FAT3: variants seen among roughly 807,000 people sequenced by gnomAD.
FAT3 encodes FAT atypical cadherin 3.
A neutral mutation model predicts 310.2 loss-of-function variants in FAT3; 95 were observed. That is an observed-to-expected ratio of 0.31 (90% CI 0.26 to 0.36). The LOEUF (loss-of-function observed/expected upper bound fraction) is 0.36. Among genes scored for constraint, FAT3 ranks in the 10% least tolerant of loss-of-function variants. FAT3 has a pLI of 1.00. For missense variants in FAT3, 5,408 were observed against 5,715.6 expected (o/e 0.95, Z 1.74); for synonymous variants, 2,314 against 2,192.9 (o/e 1.06, Z -1.54).
chr11:92,482,702 T>C (rs949853245), intron 2 of FAT3, among the ~76,000 whole-genome samples: 2 of 152,146 alleles, frequency 1.3e-5, no homozygotes, highest in African/African-American at 4.8e-5. Context: ...AACCTCTTCC[T>C]TTGCCCTCAT....
At chr11:92,491,138 G>T (rs779042693) in intron 2 of FAT3, among the ~76,000 whole-genome samples, 1 of 152,088 alleles carries the variant, frequency 6.6e-6, no homozygotes, top group Non-Finnish European at 1.5e-5. Flanking sequence ...TTTAATGATT[G>T]ATTCCTCTAC....
At chr11:92,236,838 T>G (rs1864441156) in intron 1 of FAT3, among the ~76,000 whole-genome samples, 1 of 152,202 alleles carries the variant, frequency 6.6e-6, no homozygotes, top group Non-Finnish European at 1.5e-5. Context: ...CGAGTTAGAC[T>G]TTGGAGATCC....
intron 3 of FAT3, among the ~76,000 whole-genome samples, chr11:92,675,136 A>C (rs1196460488): frequency 6.6e-6 from 1 of 152,192 alleles, no homozygotes; most frequent in East Asian, 1.9e-4. Context: ...AGCAGGAAGC[A>C]TGAGTATTAT....
At chr11:92,606,822 G>A (rs1473576654) in intron 3 of FAT3, among the ~76,000 whole-genome samples, 1 of 152,160 alleles carries the variant, frequency 6.6e-6, no homozygotes, top group African/African-American at 2.4e-5. Flanking sequence ...CTTTGTATAG[G>A]CTTTGGAGCA....
chr11:92,851,544 C>A (rs4753420), intron 19 of FAT3, among the ~76,000 whole-genome samples: 1 of 151,908 alleles, frequency 6.6e-6, no homozygotes, highest in Non-Finnish European at 1.5e-5. Context: ...ATCTTACTAC[C>A]CCACCTTCCC....
chr11:92,886,962 C>T, intron 24 of FAT3, 38 bp from the exon 25 acceptor site: 1 of 1,510,396 alleles, frequency 6.6e-7, no homozygotes, highest in Non-Finnish European at 9.1e-7. Context: ...ACAAGGTAAC[C>T]AGTGTAATTT....
chr11:92,744,850 A>G (rs968711754), intron 4 of FAT3, among the ~76,000 whole-genome samples: 8 of 152,232 alleles, frequency 5.3e-5, no homozygotes, highest in Non-Finnish European at 1.0e-4. Flanking sequence ...ATACATACAC[A>G]TAAGCCTAAT....
chr11:92,320,637 G>A (rs1490071048), intron 1 of FAT3, among the ~76,000 whole-genome samples: 3 of 152,258 alleles, frequency 2.0e-5, no homozygotes, highest in East Asian at 1.9e-4. Flanking sequence ...GGAGGCCAAG[G>A]CAGGTAGGTC....
At chr11:92,625,315 G>A (rs1044839433) in intron 3 of FAT3, among the ~76,000 whole-genome samples, 6 of 152,150 alleles carry the variant, frequency 3.9e-5, no homozygotes, top group Non-Finnish European at 7.3e-5. Flanking sequence ...TTAGTCTTCT[G>A]ACAGTGCCTG....
rs758134756 is a variant in FAT3 at position 92,799,124 on chromosome 11, G to A, written c.6111G>A (p.Thr2037=). The A allele has an allele frequency of 3.1e-6, 5 of 1,613,780 alleles. No homozygotes were observed. Among genetic ancestry groups the A allele is most frequent in the African/African-American group, 2.7e-5 (2 of 74,920 alleles). Residue 2037 remains threonine, a synonymous_variant, in exon 10 of 28, where the codon ACG becomes ACA. Transcript: ENST00000525166. ...AATCTACCTCAGGGGTCATTCAGAC[G>A]ACTGGAGTCCCCTTTGACCGTGAAG... The part of the protein sequence containing the change: ...KIKSTSGVIQ[T]TGVPFDREEQ...
intron 2 of FAT3, among the ~76,000 whole-genome samples, chr11:92,450,617 A>C (rs778645289): frequency 1.6e-4 from 24 of 152,152 alleles, no homozygotes; most frequent in Non-Finnish European, 2.6e-4. Flanking sequence ...TTGTATTTGG[A>C]ATTAAACATG....
Position 92,352,077 on chromosome 11 carries a change from CT to C in FAT3, c.-17-18del, listed in dbSNP as rs1565247334. Reference sequence around the variant, plus strand: ...AGGATGGTTAATTTATCTTTTCTCTCTCTCTTTCTTCCCTCCAGGATGGAAG... The same window carrying C: ...AGGATGGTTAATTTATCTTTTCTCTCCTCTTTCTTCCCTCCAGGATGGAAG... On this transcript the variant is annotated intron_variant, in intron 1 of 27. Transcript: ENST00000525166. The C allele has an allele frequency of 8.1e-7, 1 of 1,241,842 alleles. No individual in the cohort carries two copies. The highest frequency in any genetic ancestry group is 1.6e-5 in the South Asian group (1 of 64,278). The allele number at this position is 1,241,842 out of a possible 1,614,324, so 76.9% of individuals were successfully genotyped here. A position where few individuals can be genotyped will look rare whatever the true frequency, so the allele number is the denominator to read the frequency against.
At chr11:92,480,768 T>C (rs1952202396) in intron 2 of FAT3, among the ~76,000 whole-genome samples, 1 of 152,220 alleles carries the variant, frequency 6.6e-6, no homozygotes, top group African/African-American at 2.4e-5. Flanking sequence ...GTCCAGTTGC[T>C]GATTTTGGCT....
At chr11:92,346,701 G>T (rs1380734007) in intron 1 of FAT3, among the ~76,000 whole-genome samples, 1 of 152,078 alleles carries the variant, frequency 6.6e-6, no homozygotes, top group African/African-American at 2.4e-5. Context: ...TAAAGATAGA[G>T]AAACTGAGAT....
chr11:92,561,864 G>A (rs1955237926), intron 3 of FAT3, among the ~76,000 whole-genome samples: 1 of 151,974 alleles, frequency 6.6e-6, no homozygotes, highest in African/African-American at 2.4e-5. Context: ...GGCCTCAAGT[G>A]ATCCACCCAT....
intron 3 of FAT3, among the ~76,000 whole-genome samples, chr11:92,567,612 A>C (rs1618675): frequency 0.39 from 58,744 of 151,120 alleles, 12,084 homozygotes; most frequent in Middle Eastern, 0.53. Flanking sequence ...CACTATTCAC[A>C]ATAGCAAAGA....
chr11:92,240,432 C>T (rs1181852965), intron 1 of FAT3, among the ~76,000 whole-genome samples: 1 of 151,786 alleles, frequency 6.6e-6, no homozygotes, highest in African/African-American at 2.4e-5. Context: ...CTTTTGCAGC[C>T]ATGGCTGTAT....
At chr11:92,557,825 A>G (rs968654444) in intron 3 of FAT3, among the ~76,000 whole-genome samples, 1 of 152,230 alleles carries the variant, frequency 6.6e-6, no homozygotes, top group Admixed American at 6.5e-5. Context: ...CTAGGAACCT[A>G]GAAATGTTCT....
intron 2 of FAT3, among the ~76,000 whole-genome samples, chr11:92,488,348 C>T (rs571920197): frequency 7.9e-5 from 12 of 151,678 alleles, no homozygotes; most frequent in Middle Eastern, 3.4e-3. Context: ...CTAAGTGGTA[C>T]CCAGACTCCT....
Sources: allele counts gnomAD v4.1 joint callset (sites outside exome capture counted in the v4.1 genomes callset), GRCh38; gene constraint gnomAD v4.1.1; transcripts MANE v1.5; gene names NCBI Gene and HGNC (gene_info 2026-07-23, HGNC 2026-07-21).